The following IL24 variants were observed in gnomAD, a reference collection of about 807,000 sequenced individuals.
The protein encoded by IL24 is interleukin 24.
IL24 carries 24 observed loss-of-function variants against 27.6 expected under a neutral mutation model. That is an observed-to-expected ratio of 0.87 (90% CI 0.63 to 1.22). The LOEUF (loss-of-function observed/expected upper bound fraction) is 1.22. IL24 is among the 50% of genes most tolerant of loss of function. IL24 has a pLI of 0.00. For missense variants in IL24, 240 were observed against 237.0 expected (o/e 1.01, Z -0.08); for synonymous variants, 99 against 93.1 (o/e 1.06, Z -0.36).
chr1:206,901,407 C>G, intron 4 of IL24, 87 bp from the exon 5 acceptor site: 1 of 1,439,866 alleles, frequency 6.9e-7, no homozygotes, highest in Non-Finnish European at 9.3e-7. Context: ...CTGTGCTTAT[C>G]TTGCCTTGGG....
At chr1:206,901,731 G>A (rs750877654) in intron 5 of IL24, 79 bp downstream of exon 5, 3 of 1,253,384 alleles carry the variant, frequency 2.4e-6, no homozygotes, top group Admixed American at 3.9e-5. Flanking sequence ...GTGACCCTCT[G>A]CAAAGTCCTC....
At chr1:206,900,378 C>T (rs368476681) in intron 4 of IL24, 21 bp downstream of exon 4, 3 of 1,611,754 alleles carry the variant, frequency 1.9e-6, no homozygotes, top group Non-Finnish European at 2.5e-6. Flanking sequence ...CTCGGGGACA[C>T]CACCCTCTGT....
intron 2 of IL24, among the ~76,000 whole-genome samples, chr1:206,899,016 G>C (rs1396985123): frequency 6.6e-6 from 1 of 152,214 alleles, no homozygotes; most frequent in African/African-American, 2.4e-5. Context: ...TGACTCGCAG[G>C]TTGTAGGCTA....
chr1:206,899,128 G>A (rs1678271998), intron 2 of IL24, among the ~76,000 whole-genome samples, 192 bp from the exon 3 acceptor site: 1 of 152,222 alleles, frequency 6.6e-6, no homozygotes, highest in Non-Finnish European at 1.5e-5. Flanking sequence ...GCGGCCTTAA[G>A]TTTGAGGGGC....
chr1:206,900,333 G>C lies in IL24; in HGVS notation c.279G>C (p.Gln93His), dbSNP rs768351219. Residue 93 changes from glutamine (Q) to histidine (H), a missense_variant, in exon 4 of 7, where the codon CAG becomes CAC. Transcript: ENST00000294984. ...ACATCACGAGTGCCCGGCTGCTGCA[G>C]CAGGAGGTTCTGCAGAACGTCTCGG... Reference protein sequence around the residue: ...QDNITSARLLQQEVLQNVSDA... With the variant: ...QDNITSARLLHQEVLQNVSDA... 3 of 1,614,056 alleles carry C rather than the reference G, an allele frequency of 1.9e-6. No homozygotes were observed. The highest frequency in any genetic ancestry group is 8.5e-7 in the Non-Finnish European group (1 of 1,180,016).
intron 4 of IL24, 115 bp from the exon 5 acceptor site, chr1:206,901,379 A>G (rs969579584): frequency 1.7e-6 from 2 of 1,190,238 alleles, no homozygotes; most frequent in African/African-American, 1.6e-5. Flanking sequence ...ATCACCTTCT[A>G]GAAGATCCCT....
chr1:206,902,932 C>T (rs746103476), intron 6 of IL24, 44 bp from the exon 7 acceptor site: 1 of 1,613,966 alleles, frequency 6.2e-7, no homozygotes, highest in South Asian at 1.1e-5. Flanking sequence ...AAAGACTATT[C>T]TCATAGCTAA....
chr1:206,900,182 G>T, intron 3 of IL24, 113 bp from the exon 4 acceptor site: 1 of 986,620 alleles, frequency 1.0e-6, no homozygotes. Flanking sequence ...TCTGGCCTTT[G>T]AGATCTCACA....
Position 206,901,646 on chromosome 1 carries a change from A to G in IL24, c.456A>G (p.Gln152=). ...TTGTTCTCATCGTGTCACAACTGCA[A>G]CCCAGTGTGAGTAGCACACGCTCTG... The part of the protein sequence containing the change: ...NNFVLIVSQL[Q]PSQENEMFSI... The change falls in exon 5 of 7, where the codon CAA becomes CAG. Residue 152 remains glutamine (Q), a synonymous_variant. Coordinates refer to ENST00000294984, the MANE Select transcript of IL24 (RefSeq NM_006850.3). The G allele has an allele frequency of 1.2e-6, 2 of 1,613,186 alleles. No individual in the cohort carries two copies. The highest frequency in any genetic ancestry group is 2.2e-5 in the South Asian group (2 of 91,002).
At position 206,897,821 on chromosome 1, in the gene IL24, C is replaced by T. The variant is rs572124530; in HGVS notation, c.-12C>T. On this transcript the variant is annotated 5_prime_UTR_variant, in exon 2 of 7. In the 5' UTR this introduces an upstream ATG that the reference lacks. Transcript: ENST00000294984. ...CTTGGGAGGAAGGCCAGGAGGAACA[C>T]GAGACTGAGAGATGAATTTTCAACA... 5.5e-5 allele frequency: 88 copies of T among 1,612,194 alleles called. 1 individual carries two copies. The South Asian group carries it at 8.1e-4, about 15-fold the overall frequency.
Position 206,902,683 on chromosome 1 carries a change from G to A in IL24, c.538-293G>A, listed in dbSNP as rs1320893727. 5 of 985,194 alleles carry A rather than the reference G, an allele frequency of 5.1e-6. No homozygotes were observed. The East Asian group carries it at 5.7e-4, about 112-fold the overall frequency. 61.0% of individuals were successfully genotyped at this position (985,194 alleles called of 1,614,324 possible). On this transcript the variant is annotated intron_variant, in intron 6 of 6. Transcript: ENST00000294984. The stretch of plus-strand genomic sequence containing the variant: ...CACCTGTGCAGTGGATTCAGGTGGT[G>A]GGCCATATCCATCCCATACTGCAGT...
chr1:206,899,491 C>G lies in IL24; in HGVS notation c.216C>G (p.Ala72=). Residue 72 remains alanine (A), a synonymous_variant, in exon 3 of 7, where the codon GCC becomes GCG. Coordinates refer to ENST00000294984, the MANE Select transcript of IL24 (RefSeq NM_006850.3). Reference sequence around the variant, plus strand: ...TTGTTCCCCAGAAACTGTGGGAAGCCTTCTGGGCTGTGAAAGACACTATGG... The same window carrying G: ...TTGTTCCCCAGAAACTGTGGGAAGCGTTCTGGGCTGTGAAAGACACTATGG... ...KGVVPQKLWE[A]FWAVKDTMQA... 1 of 1,609,374 alleles carries G rather than the reference C, an allele frequency of 6.2e-7. No individual in the cohort carries two copies. The highest frequency in any genetic ancestry group is 8.5e-7 in the Non-Finnish European group (1 of 1,177,692).
intron 4 of IL24, 50 bp from the exon 5 acceptor site, chr1:206,901,444 G>T (rs780447618): frequency 1.3e-6 from 2 of 1,564,818 alleles, no homozygotes; most frequent in Non-Finnish European, 1.7e-6. Flanking sequence ...CCTTCAGGGG[G>T]TCAGGGTGGG....
Position 206,903,029 on chromosome 1 carries a change from G to T in IL24, c.591G>T (p.Leu197=), listed in dbSNP as rs1393601612. The change falls in exon 7 of 7, where the codon CTG becomes CTT. Residue 197 remains leucine (L), a synonymous_variant. Coordinates refer to ENST00000294984, the MANE Select transcript of IL24 (RefSeq NM_006850.3). ...CCCTTGGGGAAGTGGACATTCTTCT[G>T]ACCTGGATGCAGAAATTCTACAAGC... ...TKALGEVDIL[L]TWMQKFYKL is the part of the protein sequence containing the mutation. 1 of 1,614,158 alleles carries T rather than the reference G, an allele frequency of 6.2e-7. No homozygotes were observed. The highest frequency in any genetic ancestry group is 8.5e-7 in the Non-Finnish European group (1 of 1,179,994).
chr1:206,902,358 A>G, intron 6 of IL24: 1 of 985,392 alleles, frequency 1.0e-6, no homozygotes, highest in Non-Finnish European at 1.2e-6. Context: ...GGGCTGGGCA[A>G]CTGAAGTCAG....
At chr1:206,899,945 A>C (rs767322548) in intron 3 of IL24, among the ~76,000 whole-genome samples, 3 of 152,140 alleles carry the variant, frequency 2.0e-5, no homozygotes, top group Non-Finnish European at 4.4e-5. Flanking sequence ...AATCCTGCCC[A>C]TAGTGGTTCT....
In IL24 at chr1:206,901,585, G is replaced by A; in HGVS notation, c.395G>A (p.Arg132Lys). ...TACCACAATAGAACAGTTGAAGTCA[G>A]GACTCTGAAGTCATTCTCTACTCTG... ...KNYHNRTVEV[R>K]TLKSFSTLAN... Residue 132 changes from arginine to lysine, a missense_variant, in exon 5 of 7, where the codon AGG (arginine) becomes AAG (lysine). Transcript: ENST00000294984. 1.9e-6 allele frequency: 3 copies of A among 1,614,182 alleles called. No individual in the cohort carries two copies. Among genetic ancestry groups the A allele is most frequent in the Non-Finnish European group, 1.7e-6 (2 of 1,180,032 alleles).
Position 206,900,344 on chromosome 1 carries a change from T to A in IL24, c.290T>A (p.Leu97Gln). The A allele has an allele frequency of 6.2e-7, 1 of 1,614,136 alleles. No homozygotes were observed. Among genetic ancestry groups the A allele is most frequent in the Non-Finnish European group, 8.5e-7 (1 of 1,180,010 alleles). The change falls in exon 4 of 7, where the codon CTG (leucine) becomes CAG (glutamine). Residue 97 changes from leucine (L) to glutamine (Q), a missense_variant. By Grantham distance (113) the Leu-to-Gln change is moderately radical. Coordinates refer to ENST00000294984, the MANE Select transcript of IL24 (RefSeq NM_006850.3). ...TSARLLQQEV[L>Q]QNVSDAESCY... ...GCCCGGCTGCTGCAGCAGGAGGTTC[T>A]GCAGAACGTCTCGGTAATCAGACCT...
At chr1:206,902,941 A>C in intron 6 of IL24, 35 bp from the exon 7 acceptor site, 1 of 1,614,142 alleles carries the variant, frequency 6.2e-7, no homozygotes, top group African/African-American at 1.3e-5. Flanking sequence ...TCTCATAGCT[A>C]ACATGGCTGA....
Sources: allele counts gnomAD v4.1 joint callset (sites outside exome capture counted in the v4.1 genomes callset), GRCh38; gene constraint gnomAD v4.1.1; transcripts MANE v1.5; gene names NCBI Gene and HGNC (gene_info 2026-07-23, HGNC 2026-07-21).